Variants in ADK observed in about 807,000 individuals in gnomAD.
ADK encodes the protein N6,N6-dimethyladenosine kinase.
In ADK, 24 loss-of-function variants were observed where a neutral mutation model predicts 44.7. The ratio of observed to expected loss-of-function variants is 0.54; its 90% CI spans 0.39 to 0.76. The LOEUF is 0.76. Among genes scored for constraint, ADK ranks in the 30% least tolerant of loss-of-function variants. ADK has a pLI of 0.00. For missense variants in ADK, 321 were observed against 425.1 expected, an observed-to-expected ratio of 0.76 and a Z score of 2.15; for synonymous variants, 128 against 142.6, an observed-to-expected ratio of 0.90 and a Z score of 0.73.
Position 74,200,817 on chromosome 10 carries a change from T to C in ADK, c.119T>C (p.Val40Ala). 6.2e-7 allele frequency: 1 copy of C among 1,609,494 alleles called. No homozygotes were observed. Among genetic ancestry groups the C allele is most frequent in the Non-Finnish European group, 8.5e-7 (1 of 1,176,240 alleles). Residue 40 changes from valine to alanine, a missense_variant, in exon 2 of 11, where the codon GTG (valine) becomes GCG (alanine). Val to Ala is a moderately conservative substitution (Grantham distance 64, BLOSUM62 0). Transcript: ENST00000539909. ...CCTCTGCTTGACATCTCTGCTGTAG[T>C]GGACAAAGATTTCCTTGATAAGTAA... is the stretch of plus-strand genomic sequence containing the variant. ...GNPLLDISAV[V>A]DKDFLDKYSL...
intron 4 of ADK, among the ~76,000 whole-genome samples, chr10:74,357,493 G>T (rs1307736415): frequency 6.9e-6 from 1 of 145,340 alleles, no homozygotes; most frequent in Non-Finnish European, 1.5e-5. Context: ...AAGAGACAGG[G>T]TTTTGTCATG....
chr10:74,399,202 T>A (rs1843626387), intron 6 of ADK, among the ~76,000 whole-genome samples: 1 of 151,516 alleles, frequency 6.6e-6, no homozygotes, highest in Non-Finnish European at 1.5e-5. Context: ...ATTACCTTGT[T>A]TTTATTTAAT....
intron 6 of ADK, among the ~76,000 whole-genome samples, chr10:74,444,225 A>G (rs1010538990): frequency 6.6e-6 from 1 of 152,104 alleles, no homozygotes; most frequent in Non-Finnish European, 1.5e-5. Context: ...AATGCTGGCT[A>G]ATTGATTATT....
chr10:74,359,528 C>T (rs1221760732), intron 4 of ADK, among the ~76,000 whole-genome samples: 11 of 151,916 alleles, frequency 7.2e-5, no homozygotes, highest in African/African-American at 2.4e-4. Flanking sequence ...GGCAACATGG[C>T]GTGACCGTCC....
intron 4 of ADK, among the ~76,000 whole-genome samples, chr10:74,372,854 T>C (rs989171140): frequency 6.6e-6 from 1 of 152,170 alleles, no homozygotes; most frequent in African/African-American, 2.4e-5. Context: ...CTCTTAAAAT[T>C]AATATGGAAA....
intron 7 of ADK, among the ~76,000 whole-genome samples, chr10:74,579,543 A>G (rs1000216590): frequency 1.3e-5 from 2 of 152,190 alleles, no homozygotes; most frequent in African/African-American, 4.8e-5. Context: ...CCTGAGAGAA[A>G]ATGAATGAGG....
chr10:74,493,727 A>T (rs1253532629), intron 6 of ADK, among the ~76,000 whole-genome samples: 1 of 152,084 alleles, frequency 6.6e-6, no homozygotes, highest in African/African-American at 2.4e-5. Flanking sequence ...GCTAGTATCT[A>T]CTTTTCAGTT....
chr10:74,348,628 A>G (rs576508371), intron 4 of ADK, among the ~76,000 whole-genome samples: 1 of 152,030 alleles, frequency 6.6e-6, no homozygotes, highest in East Asian at 2.0e-4. Flanking sequence ...CTGAAGGACC[A>G]TGTTCTAACC....
intron 10 of ADK, among the ~76,000 whole-genome samples, chr10:74,690,937 T>TA (rs1205502373): frequency 3.3e-5 from 5 of 152,188 alleles, no homozygotes; most frequent in Admixed American, 2.0e-4. Flanking sequence ...TTTCTTATAA[T>TA]AAAAATGTAG....
chr10:74,527,815 A>G, intron 7 of ADK: 1 of 1,367,338 alleles, frequency 7.3e-7, no homozygotes, highest in Non-Finnish European at 1.0e-6. Context: ...GATCCTTAAT[A>G]GAGTGGCCCT....
At chr10:74,661,989 G>A (rs1854752641) in intron 9 of ADK, among the ~76,000 whole-genome samples, 1 of 152,100 alleles carries the variant, frequency 6.6e-6, no homozygotes, top group Non-Finnish European at 1.5e-5. Context: ...TGAGCTCACA[G>A]CTATTGTTCA....
intron 4 of ADK, among the ~76,000 whole-genome samples, chr10:74,331,292 AT>A (rs563882800): frequency 0.013 from 1,983 of 151,504 alleles, 42 homozygotes; most frequent in African/African-American, 0.045. Flanking sequence ...ACCTGTTTTG[AT>A]TTTTTTTTCT....
At chr10:74,397,025 G>GTT (rs1592150058) in intron 5 of ADK, among the ~76,000 whole-genome samples, 1 of 151,682 alleles carries the variant, frequency 6.6e-6, no homozygotes, top group Admixed American at 6.6e-5. Flanking sequence ...TCAAAAAGTA[G>GTT]TTTTATTATC....
At chr10:74,581,021 TACACACACAC>T (rs143153735) in intron 7 of ADK, among the ~76,000 whole-genome samples, 26 of 145,348 alleles carry the variant, frequency 1.8e-4, no homozygotes, top group East Asian at 1.2e-3. Context: ...CAATAATAAA[TACACACACAC>T]ACACACACAC....
At position 74,630,984 on chromosome 10, in the gene ADK, T is replaced by G. The variant is rs1853395936; in HGVS notation, c.877+30491T>G. ...AAAATATATTACTATCACTATTTAT[T>G]GTGTTTCTCAAATTGTCGTAGATTT... is the stretch of plus-strand genomic sequence containing the variant. On this transcript the variant is annotated intron_variant, in intron 9 of 10. Coordinates refer to ENST00000539909, the MANE Select transcript of ADK (RefSeq NM_006721.4). Among the ~76,000 whole-genome samples the G allele has an allele frequency of 2.0e-5, 3 of 152,146 alleles. No homozygotes were observed. In the South Asian group the frequency reaches 6.2e-4, roughly 32 times the overall value.
chr10:74,640,743 C>G (rs1166203583), intron 9 of ADK, among the ~76,000 whole-genome samples: 1 of 152,184 alleles, frequency 6.6e-6, no homozygotes, highest in Non-Finnish European at 1.5e-5. Context: ...TGGCTGTATT[C>G]CAATAAAACT....
At chr10:74,329,587 A>G (rs1325511589) in intron 4 of ADK, among the ~76,000 whole-genome samples, 4 of 152,208 alleles carry the variant, frequency 2.6e-5, no homozygotes, top group Admixed American at 2.6e-4. Context: ...CAAATAAGGA[A>G]GAAGATTGGT....
At position 74,161,460 on chromosome 10, in the gene ADK, C is replaced by T. The variant is rs1841895523; in HGVS notation, c.65+10117C>T. On this transcript the variant is annotated intron_variant, in intron 1 of 10. Transcript: ENST00000539909. ...TCCTGATCTCGTGATCTACCTGCCTCAACCTCCCAAAGTGCTGGGATTACA... is the reference window on the plus strand; with the variant it reads ...TCCTGATCTCGTGATCTACCTGCCTTAACCTCCCAAAGTGCTGGGATTACA... Among the ~76,000 whole-genome samples the T allele has an allele frequency of 3.9e-5, 6 of 152,336 alleles. No homozygotes were observed. In the South Asian group the frequency reaches 1.2e-3, roughly 32 times the overall value.
intron 9 of ADK, among the ~76,000 whole-genome samples, chr10:74,617,915 C>T (rs1298065878): frequency 6.6e-6 from 1 of 152,076 alleles, no homozygotes; most frequent in African/African-American, 2.4e-5. Flanking sequence ...TTAAAGCTAT[C>T]TTAACTAAGT....
Sources: gnomAD v4.1 joint callset for allele counts (sites outside exome capture counted in the v4.1 genomes callset) on GRCh38, gnomAD v4.1.1 for gene constraint, MANE v1.5 for transcripts, NCBI Gene and HGNC (gene_info 2026-07-23, HGNC 2026-07-21) for gene names.